EIF4EBP2: variants seen among roughly 807,000 people sequenced by gnomAD.
EIF4EBP2 encodes eukaryotic translation initiation factor 4E-binding protein 2.
EIF4EBP2 carries 5 observed loss-of-function variants against 10.3 expected under a neutral mutation model. That is an observed-to-expected ratio of 0.48 (90% CI 0.25 to 1.02). The LOEUF is 1.02. Ranked by LOEUF, EIF4EBP2 falls within the 50% of genes least tolerant of loss-of-function variation. The pLI is 0.15. For synonymous variants in EIF4EBP2, 67 were observed against 61.1 expected, an observed-to-expected ratio of 1.10 and a Z score of -0.45; for missense variants, 188 against 162.2, an observed-to-expected ratio of 1.16 and a Z score of -0.86.
Position 70,404,552 on chromosome 10 carries a change from C to T in EIF4EBP2, c.145+6C>T, listed in dbSNP as rs1331203274. 1.9e-6 allele frequency: 3 copies of T among 1,553,768 alleles called. No homozygotes were observed. The highest frequency in any genetic ancestry group is 1.2e-5 in the South Asian group (1 of 84,944). Reference sequence around the variant, plus strand: ...CTTCTCCACCACACCGGGAGGTGAGCGCCGGCCAGCCGTCCGCCGCGCCCG... The same window carrying T: ...CTTCTCCACCACACCGGGAGGTGAGTGCCGGCCAGCCGTCCGCCGCGCCCG... On this transcript the variant is annotated splice_donor_region_variant and intron_variant, in intron 1 of 2. Transcript: ENST00000373218.
chr10:70,412,504 C>A (rs1845056490), intron 1 of EIF4EBP2, among the ~76,000 whole-genome samples: 1 of 152,106 alleles, frequency 6.6e-6, no homozygotes. Flanking sequence ...TACATAATTT[C>A]TTAACTATAT....
chr10:70,419,240 T>G lies in EIF4EBP2; in HGVS notation c.146-674T>G, dbSNP rs1845129809. 3.9e-5 allele frequency among the ~76,000 whole-genome samples: 6 copies of G among 152,230 alleles called. No homozygotes were observed. The South Asian group carries it at 1.2e-3, about 31-fold the overall frequency. ...CCTTTTAATGTACCTGTTGACCATT[T>G]GTAAGCAGCACGTTTCCATAACTGT... On this transcript the variant is annotated intron_variant, in intron 1 of 2. Coordinates refer to ENST00000373218, the MANE Select transcript of EIF4EBP2 (RefSeq NM_004096.5).
intron 2 of EIF4EBP2, among the ~76,000 whole-genome samples, chr10:70,421,324 C>T (rs949904587): frequency 2.0e-5 from 3 of 152,116 alleles, no homozygotes; most frequent in South Asian, 4.1e-4. Flanking sequence ...GCCAGCATTC[C>T]GCTTTGTCAT....
chr10:70,407,071 G>T (rs1278148638), intron 1 of EIF4EBP2, among the ~76,000 whole-genome samples: 4 of 149,956 alleles, frequency 2.7e-5, no homozygotes, highest in Non-Finnish European at 5.9e-5. Flanking sequence ...CTAATTTTTT[G>T]TATTTTTAGT....
chr10:70,404,587 C>A (rs933440140), intron 1 of EIF4EBP2, 41 bp downstream of exon 1: 25 of 1,512,118 alleles, frequency 1.7e-5, no homozygotes, highest in Non-Finnish European at 2.2e-5. Context: ...GGTGTCCCGC[C>A]GCGGTCCTCT....
chr10:70,419,950 A>C lies in EIF4EBP2; in HGVS notation c.182A>C (p.Asp61Ala). The change falls in exon 2 of 3, where the codon GAT becomes GCT. Residue 61 changes from aspartate to alanine, a missense_variant. Asp to Ala is a moderately radical substitution (Grantham distance 126). Transcript: ENST00000373218. ...ATTTATGACAGAAAGTTTCTGTTGG[A>C]TCGTCGCAATTCTCCCATGGCTCAG... The part of the protein sequence containing the change: ...RIIYDRKFLL[D>A]RRNSPMAQTP... 6.3e-7 allele frequency: 1 copy of C among 1,595,502 alleles called. No individual in the cohort carries two copies. Among genetic ancestry groups the C allele is most frequent in the Non-Finnish European group, 8.5e-7 (1 of 1,174,456 alleles).
In EIF4EBP2 at chr10:70,420,952, G is replaced by A. The variant is rs574670723; in HGVS notation, c.332-764G>A. ...TGGGGCTACAGGCGCCTGCCACCAC[G>A]CCCGGCTAATTTTTTGTATTTTTTA... On this transcript the variant is annotated intron_variant, in intron 2 of 2. Transcript: ENST00000373218. Among the ~76,000 whole-genome samples, 7 of 152,044 alleles carry A rather than the reference G, an allele frequency of 4.6e-5. No individual in the cohort carries two copies. The East Asian group carries it at 7.8e-4, about 17-fold the overall frequency.
chr10:70,408,766 C>T (rs1230432765), intron 1 of EIF4EBP2, among the ~76,000 whole-genome samples: 2 of 152,164 alleles, frequency 1.3e-5, no homozygotes, highest in South Asian at 2.1e-4. Flanking sequence ...TTGGTCTGAA[C>T]AGGTTTAAAT....
chr10:70,427,883 C>T lies in EIF4EBP2; in HGVS notation c.*6136C>T, dbSNP rs937202433. 2.6e-4 allele frequency: 39 copies of T among 151,546 alleles called. No individual in the cohort carries two copies. Among genetic ancestry groups the T allele is most frequent in the African/African-American group, 9.2e-4 (38 of 41,444 alleles). 9.4% of individuals were successfully genotyped at this position (151,546 alleles called of 1,614,324 possible). The stretch of plus-strand genomic sequence containing the variant: ...GGTGCTTAAAACCAAAACTCCTGGA[C>T]ACTTAGAAAATTCCATGAATCTAGC... On this transcript the variant is annotated 3_prime_UTR_variant, in exon 3 of 3. Transcript: ENST00000373218.
Position 70,421,811 on chromosome 10 carries a change from A to G in EIF4EBP2, c.*64A>G. ...TACTTGTGTGCACCTGATTTGGCCA[A>G]TAGGATCAACAGTGAAAAGACAGAA... On this transcript the variant is annotated 3_prime_UTR_variant, in exon 3 of 3. Transcript: ENST00000373218. 5 of 1,525,784 alleles carry G rather than the reference A, an allele frequency of 3.3e-6. No individual in the cohort carries two copies. The highest frequency in any genetic ancestry group is 4.5e-6 in the Non-Finnish European group (5 of 1,103,408). The allele number at this position is 1,525,784 out of a possible 1,614,324, so 94.5% of individuals were successfully genotyped here. A position where few individuals can be genotyped will look rare whatever the true frequency, so the allele number is the denominator to read the frequency against.
chr10:70,405,593 G>A (rs1216214810), intron 1 of EIF4EBP2, among the ~76,000 whole-genome samples: 4 of 152,198 alleles, frequency 2.6e-5, no homozygotes, highest in African/African-American at 9.6e-5. Context: ...TTGCTAGAGG[G>A]TGGGGACTTC....
In EIF4EBP2 at chr10:70,428,209, GGT is replaced by G. The variant is rs1225025265; in HGVS notation, c.*6465_*6466del. ...TACTCCAGGGGTAAACCTTAAAGAAGGTGTCTTGAAGAGCCCAGAGGACACTC... is the reference window on the plus strand; with the variant it reads ...TACTCCAGGGGTAAACCTTAAAGAAGGTCTTGAAGAGCCCAGAGGACACTC... On this transcript the variant is annotated 3_prime_UTR_variant, in exon 3 of 3. Coordinates refer to ENST00000373218, the MANE Select transcript of EIF4EBP2 (RefSeq NM_004096.5). 6.6e-6 allele frequency: 1 copy of G among 151,708 alleles called. No homozygotes were observed. The highest frequency in any genetic ancestry group is 1.5e-5 in the Non-Finnish European group (1 of 67,958). The allele number at this position is 151,708 out of a possible 1,614,324, so 9.4% of individuals were successfully genotyped here. A position where few individuals can be genotyped will look rare whatever the true frequency, so the allele number is the denominator to read the frequency against.
intron 1 of EIF4EBP2, among the ~76,000 whole-genome samples, chr10:70,407,272 T>C (rs1481810982): frequency 2.0e-5 from 3 of 152,148 alleles, no homozygotes; most frequent in East Asian, 3.9e-4. Context: ...CCTTCCGCAG[T>C]GTTTGTGTCC....
intron 1 of EIF4EBP2, among the ~76,000 whole-genome samples, chr10:70,411,245 C>A (rs937761860): frequency 1.3e-5 from 2 of 152,166 alleles, no homozygotes; most frequent in African/African-American, 4.8e-5. Context: ...ACCACCGCAG[C>A]CTCCGGCAGC....
At position 70,417,197 on chromosome 10, in the gene EIF4EBP2, C is replaced by A. The variant is rs572053443; in HGVS notation, c.146-2717C>A. Among the ~76,000 whole-genome samples the A allele has an allele frequency of 2.6e-5, 4 of 152,212 alleles. No homozygotes were observed. The South Asian group carries it at 6.2e-4, about 24-fold the overall frequency. ...AATGAGGTACTGATAAATGCTACAA[C>A]ATAAATGAACTTTGAAGACATTATG... is the stretch of plus-strand genomic sequence containing the variant. On this transcript the variant is annotated intron_variant, in intron 1 of 2. Coordinates refer to ENST00000373218, the MANE Select transcript of EIF4EBP2 (RefSeq NM_004096.5).
chr10:70,424,343 C>T lies in EIF4EBP2; in HGVS notation c.*2596C>T, dbSNP rs1025328651. The stretch of plus-strand genomic sequence containing the variant: ...ACCCTTCTCTGCAAGGACTTCCTTA[C>T]AGCTTGGTGCAGTTCTTTCCCAGAG... On this transcript the variant is annotated 3_prime_UTR_variant, in exon 3 of 3. Transcript: ENST00000373218. The T allele has an allele frequency of 6.6e-6, 1 of 152,226 alleles. No homozygotes were observed. Among genetic ancestry groups the T allele is most frequent in the African/African-American group, 2.4e-5 (1 of 41,468 alleles). 9.4% of individuals were successfully genotyped at this position (152,226 alleles called of 1,614,324 possible).
At position 70,420,019 on chromosome 10, in the gene EIF4EBP2, C is replaced by G. The variant is rs1292617909; in HGVS notation, c.251C>G (p.Pro84Arg). The G allele has an allele frequency of 6.2e-7, 1 of 1,613,342 alleles. No homozygotes were observed. Among genetic ancestry groups the G allele is most frequent in the East Asian group, 2.2e-5 (1 of 44,804 alleles). The change falls in exon 2 of 3, where the codon CCT (proline) becomes CGT (arginine). Residue 84 changes from proline (P) to arginine (R), a missense_variant. Pro to Arg is a moderately radical substitution (Grantham distance 103). Transcript: ENST00000373218. ...CCCAATATCCCAGGAGTCACTAGCCCTGGCACCTTAATTGAAGACTCCAAA... is the reference window on the plus strand; with the variant it reads ...CCCAATATCCCAGGAGTCACTAGCCGTGGCACCTTAATTGAAGACTCCAAA... ...HLPNIPGVTSPGTLIEDSKVE... is the reference protein window; with the variant it reads ...HLPNIPGVTSRGTLIEDSKVE...
intron 1 of EIF4EBP2, among the ~76,000 whole-genome samples, chr10:70,406,088 C>T (rs1330677363): frequency 6.6e-6 from 1 of 152,086 alleles, no homozygotes; most frequent in Non-Finnish European, 1.5e-5. Flanking sequence ...CTCAAGCGAT[C>T]CTCCCACCTC....
Position 70,420,067 on chromosome 10 carries a change from A to C in EIF4EBP2, c.299A>C (p.Asn100Thr). ...DSKVEVNNLN[N>T]LNNHDRKHAV... ...AAAGTAGAAGTAAACAATTTGAACA[A>C]CTTGAACAATCACGACAGGAAACAT... is the stretch of plus-strand genomic sequence containing the variant. Residue 100 changes from asparagine to threonine, a missense_variant, in exon 2 of 3, where the codon AAC (asparagine) becomes ACC (threonine). Physicochemically the swap from Asn to Thr is moderately conservative, Grantham distance 65. Coordinates refer to ENST00000373218, the MANE Select transcript of EIF4EBP2 (RefSeq NM_004096.5). The C allele has an allele frequency of 6.2e-7, 1 of 1,610,378 alleles. No homozygotes were observed. Among genetic ancestry groups the C allele is most frequent in the South Asian group, 1.1e-5 (1 of 90,110 alleles).
Sources: allele counts gnomAD v4.1 joint callset (sites outside exome capture counted in the v4.1 genomes callset), GRCh38; gene constraint gnomAD v4.1.1; transcripts MANE v1.5; gene names NCBI Gene and HGNC (gene_info 2026-07-23, HGNC 2026-07-21).